The following CSMD2 variants were observed in gnomAD, a reference collection of about 807,000 sequenced individuals.
The protein encoded by CSMD2 is CUB and sushi domain-containing protein 2.
A neutral mutation model predicts 398.5 loss-of-function variants in CSMD2; 130 were observed. The ratio of observed to expected loss-of-function variants is 0.33; its 90% CI spans 0.28 to 0.38. CSMD2 has a LOEUF of 0.38. Ranked by LOEUF, CSMD2 falls within the 10% of genes least tolerant of loss-of-function variation. CSMD2 has a pLI of 1.00. For synonymous variants in CSMD2, 1,828 were observed against 1,908.5 expected, an observed-to-expected ratio of 0.96 and a Z score of 1.10; for missense variants, 3,829 against 4,764.9, an observed-to-expected ratio of 0.80 and a Z score of 5.78.
At chr1:33,758,116 A>G (rs977821236) in intron 13 of CSMD2, among the ~76,000 whole-genome samples, 1 of 151,664 alleles carries the variant, frequency 6.6e-6, no homozygotes, top group African/African-American at 2.4e-5. Flanking sequence ...AATCTTTTTT[A>G]TTTTTCCACT....
chr1:34,127,389 G>T (rs1254985077), intron 1 of CSMD2, among the ~76,000 whole-genome samples: 1 of 152,176 alleles, frequency 6.6e-6, no homozygotes, highest in African/African-American at 2.4e-5. Context: ...AAATGGGAGG[G>T]TAGAGGGGAG....
At chr1:34,041,038 T>C (rs1651783211) in intron 2 of CSMD2, among the ~76,000 whole-genome samples, 1 of 152,124 alleles carries the variant, frequency 6.6e-6, no homozygotes. Context: ...GGCAGAAGGA[T>C]TGCTTGAGCC....
chr1:34,090,024 T>C (rs969924882), intron 1 of CSMD2, among the ~76,000 whole-genome samples: 1 of 152,172 alleles, frequency 6.6e-6, no homozygotes, highest in African/African-American at 2.4e-5. Context: ...GTCCCATTGA[T>C]CCACCCAAAC....
At chr1:33,998,729 A>T (rs1646805151) in intron 3 of CSMD2, among the ~76,000 whole-genome samples, 1 of 152,222 alleles carries the variant, frequency 6.6e-6, no homozygotes, top group Non-Finnish European at 1.5e-5. Context: ...ATGAAAAGGC[A>T]GGGCCCCTGG....
At chr1:33,690,827 C>A (rs183896735) in intron 25 of CSMD2, among the ~76,000 whole-genome samples, 1 of 152,222 alleles carries the variant, frequency 6.6e-6, no homozygotes, top group East Asian at 1.9e-4. Context: ...GGGAGACTTG[C>A]AAAGATGAAT....
Position 33,793,205 on chromosome 1 carries a change from C to T in CSMD2, c.1447-679G>A, listed in dbSNP as rs190512563. ...TGGATGCTACAGGGGGCTGTGGGAG[C>T]GAAGAGGAGCCTATGGCTCACCCAG... On this transcript the variant is annotated intron_variant, in intron 10 of 70. Transcript: ENST00000373381. Among the ~76,000 whole-genome samples, 36 of 152,164 alleles carry T rather than the reference C, an allele frequency of 2.4e-4. No homozygotes were observed. In the East Asian group the frequency reaches 4.8e-3, roughly 20 times the overall value.
intron 1 of CSMD2, among the ~76,000 whole-genome samples, chr1:34,090,127 C>A (rs774996235): frequency 2.0e-5 from 3 of 152,174 alleles, no homozygotes; most frequent in African/African-American, 7.2e-5. Flanking sequence ...ACCCTCCTTT[C>A]AGAAACACTC....
At chr1:33,584,591 C>A (rs1434395010) in intron 46 of CSMD2, among the ~76,000 whole-genome samples, 1 of 150,356 alleles carries the variant, frequency 6.7e-6, no homozygotes, top group Non-Finnish European at 1.5e-5. Context: ...AATTGCTTCC[C>A]AGGAGGCGGA....
chr1:33,840,283 C>A (rs1660719518), intron 6 of CSMD2: 1 of 152,178 alleles, frequency 6.6e-6, no homozygotes, highest in African/African-American at 2.4e-5. Context: ...TTTTGATAGC[C>A]TATGCGGCCT....
chr1:33,716,418 G>A lies in CSMD2; in HGVS notation c.3085C>T (p.Pro1029Ser). ...LITENGSFTQPLRQLTGSRLP... is the reference protein window; with the variant it reads ...LITENGSFTQSLRQLTGSRLP... ...CGAGATCCAGTTAGCTGCCTCAGGG[G>A]CTGGGTGAAGCTGCCGTTCTCAGTG... The change falls in exon 20 of 71, where the codon CCC (proline) becomes TCC (serine). Residue 1029 changes from proline to serine, a missense_variant. Pro to Ser is a moderately conservative substitution (Grantham distance 74). Coordinates refer to ENST00000373381, the MANE Select transcript of CSMD2 (RefSeq NM_001281956.2). The A allele has an allele frequency of 6.2e-7, 1 of 1,614,054 alleles. No individual in the cohort carries two copies. The highest frequency in any genetic ancestry group is 8.5e-7 in the Non-Finnish European group (1 of 1,180,022).
intron 1 of CSMD2, among the ~76,000 whole-genome samples, chr1:34,127,790 C>T (rs1222265410): frequency 6.6e-6 from 1 of 151,948 alleles, no homozygotes; most frequent in African/African-American, 2.4e-5. Context: ...CAGGACTGAC[C>T]CAGGGCTGGA....
At chr1:33,961,103 C>T (rs1326227642) in intron 3 of CSMD2, among the ~76,000 whole-genome samples, 1 of 152,256 alleles carries the variant, frequency 6.6e-6, no homozygotes, top group Non-Finnish European at 1.5e-5. Flanking sequence ...CCCCTACTTG[C>T]CAGCTGTAGT....
At chr1:33,526,933 T>A (rs1048779089) in intron 65 of CSMD2, among the ~76,000 whole-genome samples, 3 of 152,218 alleles carry the variant, frequency 2.0e-5, no homozygotes, top group Non-Finnish European at 2.9e-5. Flanking sequence ...CAGGAGGGGC[T>A]GTAGTAATCA....
Position 33,648,453 on chromosome 1 carries a change from G to C in CSMD2, c.4587-1618C>G, listed in dbSNP as rs142605842. The stretch of plus-strand genomic sequence containing the variant: ...ACATTTCTCCCAAGAACAGGAGATG[G>C]AACATGGATTTACCAGTACAATCCG... On this transcript the variant is annotated intron_variant, in intron 28 of 70. Coordinates refer to ENST00000373381, the MANE Select transcript of CSMD2 (RefSeq NM_001281956.2). Among the ~76,000 whole-genome samples the C allele has an allele frequency of 6.3e-3, 954 of 152,108 alleles. 12 individuals carry two copies. The highest frequency in any genetic ancestry group is 0.022 in the African/African-American group (913 of 41,490).
At position 33,600,876 on chromosome 1, in the gene CSMD2, A is replaced by G. The variant is rs1301269326; in HGVS notation, c.6845T>C (p.Ile2282Thr). ...GCTTCCATACTGACCGGAGAAAGCTATGGCGAAGATCCCCCCTGTGGCTGC... is the reference window on the plus strand; with the variant it reads ...GCTTCCATACTGACCGGAGAAAGCTGTGGCGAAGATCCCCCCTGTGGCTGC... The part of the protein sequence containing the change: ...RDAATGGIFA[I>T]AFSAYPLTKC... The change falls in exon 44 of 71, where the codon ATA (isoleucine) becomes ACA (threonine). Residue 2282 changes from isoleucine (I) to threonine (T), a missense_variant. Ile to Thr is a moderately conservative substitution (Grantham distance 89). Coordinates refer to ENST00000373381, the MANE Select transcript of CSMD2 (RefSeq NM_001281956.2). 4.3e-6 allele frequency: 7 copies of G among 1,613,984 alleles called. No individual in the cohort carries two copies. Among genetic ancestry groups the G allele is most frequent in the Admixed American group, 3.3e-5 (2 of 59,988 alleles).
chr1:34,030,539 A>C (rs1650282804), intron 3 of CSMD2, among the ~76,000 whole-genome samples: 1 of 152,112 alleles, frequency 6.6e-6, no homozygotes, highest in African/African-American at 2.4e-5. Context: ...CACCCTCAGA[A>C]TTTTTGTCTC....
At chr1:33,756,444 C>T (rs1216422871) in intron 13 of CSMD2, among the ~76,000 whole-genome samples, 1 of 152,110 alleles carries the variant, frequency 6.6e-6, no homozygotes, top group African/African-American at 2.4e-5. Flanking sequence ...GAATGAATGG[C>T]ATAGAGGTGG....
At chr1:33,619,253 C>T (rs1413149457) in intron 37 of CSMD2, among the ~76,000 whole-genome samples, 1 of 152,192 alleles carries the variant, frequency 6.6e-6, no homozygotes, top group African/African-American at 2.4e-5. Flanking sequence ...GGTGGCATGG[C>T]CCAGAGAATG....
intron 15 of CSMD2, among the ~76,000 whole-genome samples, chr1:33,735,068 G>A (rs1427116270): frequency 1.3e-5 from 2 of 152,144 alleles, no homozygotes; most frequent in African/African-American, 4.8e-5. Flanking sequence ...CGGGGATGTC[G>A]AAAGTAGAAA....
Sources: allele counts gnomAD v4.1 joint callset (sites outside exome capture counted in the v4.1 genomes callset), GRCh38; gene constraint gnomAD v4.1.1; transcripts MANE v1.5; gene names NCBI Gene and HGNC (gene_info 2026-07-23, HGNC 2026-07-21).